The following XKR4 variants were observed in gnomAD, a reference collection of about 807,000 sequenced individuals.
XKR4 encodes the protein XK related 4, also known as XK-related protein 4.
In XKR4, 12 loss-of-function variants were observed where a neutral mutation model predicts 53.9. That is an observed-to-expected ratio of 0.22 (90% confidence interval 0.14 to 0.36). The LOEUF is 0.36. Ranked by LOEUF, XKR4 falls within the 10% of genes least tolerant of loss-of-function variation. The probability of loss-of-function intolerance (pLI) is 1.00; values close to 1 mark genes in which losing one functional copy is unlikely to be tolerated. For synonymous variants in XKR4, 354 were observed against 362.4 expected (o/e 0.98, Z 0.26); for missense variants, 799 against 859.5 (o/e 0.93, Z 0.88).
chr8:55,232,425 G>A (rs910851689), intron 1 of XKR4, among the ~76,000 whole-genome samples: 9 of 152,274 alleles, frequency 5.9e-5, no homozygotes, highest in African/African-American at 2.2e-4. Flanking sequence ...CTTGGAAAGC[G>A]TGCAAAGATG....
intron 1 of XKR4, among the ~76,000 whole-genome samples, chr8:55,186,278 C>A (rs571644232): frequency 6.8e-4 from 103 of 152,224 alleles, no homozygotes; most frequent in Non-Finnish European, 1.2e-3. Flanking sequence ...CATACATAGG[C>A]CCCATTTATT....
chr8:55,179,565 A>G (rs1284408324), intron 1 of XKR4, among the ~76,000 whole-genome samples: 1 of 152,194 alleles, frequency 6.6e-6, no homozygotes, highest in Non-Finnish European at 1.5e-5. Context: ...AGCTTTTTGT[A>G]CAGATTGAAG....
chr8:55,462,344 T>G (rs1185178504), intron 2 of XKR4, among the ~76,000 whole-genome samples: 1 of 152,178 alleles, frequency 6.6e-6, no homozygotes, highest in African/African-American at 2.4e-5. Flanking sequence ...AAAAGAATTT[T>G]CAACCCAGAA....
intron 2 of XKR4, among the ~76,000 whole-genome samples, chr8:55,396,386 T>TGG (rs1804518041): frequency 1.7e-5 from 2 of 119,746 alleles, no homozygotes; most frequent in Non-Finnish European, 3.3e-5. Flanking sequence ...TTTTTGTGTT[T>TGG]TTTTTTTGTT....
chr8:55,180,731 C>T (rs1817299368), intron 1 of XKR4, among the ~76,000 whole-genome samples: 1 of 152,178 alleles, frequency 6.6e-6, no homozygotes, highest in African/African-American at 2.4e-5. Flanking sequence ...CGGGGTTTCA[C>T]CATGTTAGCC....
intron 1 of XKR4, among the ~76,000 whole-genome samples, chr8:55,191,812 C>T (rs2129361080): frequency 6.6e-6 from 1 of 151,776 alleles, no homozygotes; most frequent in Admixed American, 6.6e-5. Context: ...GAAGAACATT[C>T]CCACTTTTTG....
At chr8:55,514,420 C>G (rs1039185800) in intron 2 of XKR4, among the ~76,000 whole-genome samples, 4 of 152,006 alleles carry the variant, frequency 2.6e-5, no homozygotes, top group African/African-American at 9.7e-5. Context: ...TCATGCCAGG[C>G]TAATTTTTGT....
At position 55,227,356 on chromosome 8, in the gene XKR4, C is replaced by T. The variant is rs370495054; in HGVS notation, c.806+124062C>T. On this transcript the variant is annotated intron_variant, in intron 1 of 2. Coordinates refer to ENST00000327381, the MANE Select transcript of XKR4 (RefSeq NM_052898.2). ...ATCATGGTTTCATTCTATAAAGAACCACTGAGGGACCAAGGCAGGCCCAAG... is the reference window on the plus strand; with the variant it reads ...ATCATGGTTTCATTCTATAAAGAACTACTGAGGGACCAAGGCAGGCCCAAG... 1.4e-4 allele frequency among the ~76,000 whole-genome samples: 21 copies of T among 152,298 alleles called. 1 individual carries two copies. In the South Asian group the frequency reaches 4.3e-3, roughly 32 times the overall value.
At chr8:55,267,693 G>C (rs1818630222) in intron 1 of XKR4, among the ~76,000 whole-genome samples, 1 of 151,978 alleles carries the variant, frequency 6.6e-6, no homozygotes, top group African/African-American at 2.4e-5. Flanking sequence ...TTTTGCAATA[G>C]AGTTGCATTA....
chr8:55,445,313 T>A (rs1477953158), intron 2 of XKR4, among the ~76,000 whole-genome samples: 1 of 152,172 alleles, frequency 6.6e-6, no homozygotes, highest in Non-Finnish European at 1.5e-5. Context: ...TGCCTCAGCC[T>A]CCCAAAGTGC....
intron 1 of XKR4, among the ~76,000 whole-genome samples, chr8:55,251,434 T>C (rs938193387): frequency 6.6e-5 from 10 of 152,230 alleles, no homozygotes; most frequent in African/African-American, 2.2e-4. Context: ...TGCAGGTTTA[T>C]ATAAAATTTT....
In XKR4 at chr8:55,102,995, C is replaced by G; in HGVS notation, c.507C>G (p.His169Gln). Residue 169 changes from histidine to glutamine, a missense_variant, in exon 1 of 3, where the codon CAC (histidine) becomes CAG (glutamine). By Grantham distance (24) the His-to-Gln change is conservative. Around this residue, in one of 3 missense-constraint regions of XKR4, gnomAD observed 476 missense variants for 505.4 expected, o/e 0.94. Transcript: ENST00000327381. This position sits in a 1 kb window ranked among gnomAD's most constrained non-coding sequence, Gnocchi z 5.1. ...VQVFSFRWFV[H>Q]DFSTEDSATA... ...TGTTCAGCTTCCGCTGGTTTGTGCA[C>G]GATTTCAGCACCGAGGACAGCGCCA... The G allele has an allele frequency of 6.2e-7, 1 of 1,612,140 alleles. No homozygotes were observed.
At chr8:55,489,779 T>C (rs968675001) in intron 2 of XKR4, among the ~76,000 whole-genome samples, 11 of 152,152 alleles carry the variant, frequency 7.2e-5, no homozygotes, top group African/African-American at 2.7e-4. Context: ...ATGAACTAGG[T>C]AAGTCATCAA....
intron 1 of XKR4, among the ~76,000 whole-genome samples, chr8:55,241,628 T>C (rs1818211648): frequency 6.6e-6 from 1 of 152,190 alleles, no homozygotes; most frequent in Admixed American, 6.5e-5. Flanking sequence ...TACCTTTTTC[T>C]TTCCAAATCT....
intron 1 of XKR4, among the ~76,000 whole-genome samples, chr8:55,194,130 GC>G (rs1303158078): frequency 6.6e-6 from 1 of 152,212 alleles, no homozygotes; most frequent in Non-Finnish European, 1.5e-5. Context: ...GTAACTAAAT[GC>G]CAGGTTGGAT....
intron 1 of XKR4, among the ~76,000 whole-genome samples, chr8:55,121,408 G>A (rs183280500): frequency 1.1e-3 from 174 of 152,254 alleles, no homozygotes; most frequent in African/African-American, 3.1e-3. Context: ...CAGGGCACAC[G>A]ATGTTATTCT....
intron 1 of XKR4, among the ~76,000 whole-genome samples, chr8:55,170,121 C>T (rs1439510779): frequency 1.3e-5 from 2 of 152,146 alleles, no homozygotes; most frequent in African/African-American, 4.8e-5. Context: ...ATGTTCTAAA[C>T]ATACCACTTT....
intron 1 of XKR4, among the ~76,000 whole-genome samples, chr8:55,308,345 T>G (rs184352765): frequency 6.6e-6 from 1 of 152,322 alleles, no homozygotes; most frequent in Admixed American, 6.5e-5. Context: ...CAGTTCTGCC[T>G]GGCTGGGGAG....
At chr8:55,267,288 C>T (rs1468946787) in intron 1 of XKR4, among the ~76,000 whole-genome samples, 1 of 152,144 alleles carries the variant, frequency 6.6e-6, no homozygotes, top group Non-Finnish European at 1.5e-5. Context: ...TACAAATAAA[C>T]TAAATTCCAG....
Sources: allele counts gnomAD v4.1 joint callset (sites outside exome capture counted in the v4.1 genomes callset), GRCh38; gene constraint gnomAD v4.1.1; regional missense constraint gnomAD v4.1.1; non-coding constraint Gnocchi (gnomAD v3.1); transcripts MANE v1.5; gene names NCBI Gene and HGNC (gene_info 2026-07-23, HGNC 2026-07-21).